The following SFMBT1 variants were observed in gnomAD, a reference collection of about 807,000 sequenced individuals.
The protein encoded by SFMBT1 is scm-like with four MBT domains protein 1.
In SFMBT1, 32 loss-of-function variants were observed where a neutral mutation model predicts 108.7. The observed-to-expected ratio is 0.29, with a 90% CI of 0.22 to 0.40. The LOEUF (loss-of-function observed/expected upper bound fraction) is 0.40. SFMBT1 is among the 10% of genes least tolerant of loss of function. The probability of loss-of-function intolerance (pLI) is 1.00; values close to 1 mark genes in which losing one functional copy is unlikely to be tolerated. For synonymous variants in SFMBT1, 348 were observed against 369.5 expected, an observed-to-expected ratio of 0.94 and a Z score of 0.67; for missense variants, 816 against 1,059.6, an observed-to-expected ratio of 0.77 and a Z score of 3.19.
At chr3:52,922,916 G>A (rs775997522) in intron 10 of SFMBT1, among the ~76,000 whole-genome samples, 1 of 152,176 alleles carries the variant, frequency 6.6e-6, no homozygotes, top group African/African-American at 2.4e-5. Context: ...GGGACTAGAA[G>A]ATACTTCTTA....
intron 3 of SFMBT1, among the ~76,000 whole-genome samples, chr3:52,945,075 AT>A (rs1256162939): frequency 2.0e-5 from 3 of 147,092 alleles, no homozygotes; most frequent in Admixed American, 7.0e-5. Flanking sequence ...AAGTGCTGAG[AT>A]TACAGTCATG....
At chr3:52,970,679 A>C (rs1017785009) in intron 1 of SFMBT1, among the ~76,000 whole-genome samples, 2 of 152,132 alleles carry the variant, frequency 1.3e-5, no homozygotes, top group African/African-American at 4.8e-5. Context: ...TGCAGGATCA[A>C]GCAATTCTAT....
intron 1 of SFMBT1, among the ~76,000 whole-genome samples, chr3:52,998,590 C>A (rs1357688518): frequency 6.7e-6 from 1 of 150,098 alleles, no homozygotes; most frequent in Non-Finnish European, 1.5e-5. Flanking sequence ...CTGTTTCCTA[C>A]CTAGGGGTGA....
chr3:52,999,114 G>A (rs1291980302), intron 1 of SFMBT1, among the ~76,000 whole-genome samples: 3 of 150,856 alleles, frequency 2.0e-5, no homozygotes, highest in Non-Finnish European at 4.5e-5. Flanking sequence ...GCTGATCAAG[G>A]GCCCAGTACA....
intron 1 of SFMBT1, among the ~76,000 whole-genome samples, chr3:53,014,872 C>A (rs2106933842): frequency 6.6e-6 from 1 of 152,270 alleles, no homozygotes; most frequent in East Asian, 1.9e-4. Context: ...AAGCATAAAG[C>A]AACCTCCCTC....
intron 1 of SFMBT1, among the ~76,000 whole-genome samples, chr3:52,985,815 C>T (rs921551659): frequency 6.6e-6 from 1 of 152,044 alleles, no homozygotes; most frequent in Non-Finnish European, 1.5e-5. Context: ...CATATTTAAA[C>T]ATAGGAAAGG....
intron 2 of SFMBT1, among the ~76,000 whole-genome samples, chr3:52,960,111 C>T (rs1703910870): frequency 6.6e-6 from 1 of 151,622 alleles, no homozygotes; most frequent in Non-Finnish European, 1.5e-5. Context: ...TGAATGCTAG[C>T]GTTGACACAG....
At chr3:52,992,470 TTAA>T (rs1705174412) in intron 1 of SFMBT1, among the ~76,000 whole-genome samples, 1 of 152,210 alleles carries the variant, frequency 6.6e-6, no homozygotes, top group South Asian at 2.1e-4. Context: ...AAAAATTTTT[TTAA>T]TAATAAATTA....
intron 3 of SFMBT1, among the ~76,000 whole-genome samples, chr3:52,953,612 T>C (rs1181634663): frequency 6.6e-6 from 1 of 152,170 alleles, no homozygotes; most frequent in Non-Finnish European, 1.5e-5. Flanking sequence ...GACATGTAAA[T>C]ATGCATGTCA....
intron 1 of SFMBT1, among the ~76,000 whole-genome samples, chr3:52,986,476 TA>T (rs1157136440): frequency 1.3e-5 from 2 of 152,034 alleles, no homozygotes; most frequent in South Asian, 2.1e-4. Context: ...TGTACAAAAA[TA>T]TTTTTTTGGT....
At chr3:52,957,900 G>C (rs1282877770) in intron 2 of SFMBT1, among the ~76,000 whole-genome samples, 1 of 152,172 alleles carries the variant, frequency 6.6e-6, no homozygotes, top group African/African-American at 2.4e-5. Context: ...ATAGGCATGA[G>C]CAAAGATTTC....
At chr3:53,019,138 T>G (rs796107699) in intron 1 of SFMBT1, 15 of 152,176 alleles carry the variant, frequency 9.9e-5, no homozygotes, top group African/African-American at 1.9e-4. Context: ...GAAAAAAATT[T>G]TTTTAATTAA....
chr3:52,984,764 GTGTGTC>G (rs1476579256), intron 1 of SFMBT1, among the ~76,000 whole-genome samples: 4 of 135,690 alleles, frequency 2.9e-5, no homozygotes, highest in Non-Finnish European at 6.5e-5. Flanking sequence ...GTGTGTGTGT[GTGTGTC>G]TATTCATACT....
chr3:52,917,378 C>T (rs1023797468), intron 13 of SFMBT1, among the ~76,000 whole-genome samples: 27 of 151,668 alleles, frequency 1.8e-4, no homozygotes, highest in African/African-American at 6.5e-4. Context: ...GATAGCCTTA[C>T]AGGAAGAGAG....
chr3:52,986,196 T>TCATGAATGGAGCTTGCAGGACA, intron 1 of SFMBT1, among the ~76,000 whole-genome samples: 1 of 151,258 alleles, frequency 6.6e-6, no homozygotes, highest in African/African-American at 2.4e-5. Context: ...AGGGCACTTA[T>TCATGAATGGAGCTTGCAGGACA]CATGAATGGA....
Position 52,937,178 on chromosome 3 carries a change from A to G in SFMBT1, c.365-2277T>C, listed in dbSNP as rs150723941. Among the ~76,000 whole-genome samples, 344 of 152,218 alleles carry G rather than the reference A, an allele frequency of 2.3e-3. 1 individual carries two copies. Among genetic ancestry groups the G allele is most frequent in the African/African-American group, 7.3e-3 (303 of 41,540 alleles). ...CTTTATTTGCTTTTGCCTACCATAT[A>G]CAAACAACTATTTCAAAGTAACAAC... is the stretch of plus-strand genomic sequence containing the variant. On this transcript the variant is annotated intron_variant, in intron 4 of 20. Coordinates refer to ENST00000394752, the MANE Select transcript of SFMBT1 (RefSeq NM_016329.4).
chr3:52,948,620 G>A (rs1180380909), intron 3 of SFMBT1, among the ~76,000 whole-genome samples: 1 of 150,222 alleles, frequency 6.7e-6, no homozygotes, highest in Non-Finnish European at 1.5e-5. Context: ...AATTGGAGTT[G>A]CCTTACAATT....
chr3:52,960,330 A>G (rs1479753410), intron 2 of SFMBT1, among the ~76,000 whole-genome samples: 6 of 152,230 alleles, frequency 3.9e-5, no homozygotes, highest in Admixed American at 3.3e-4. Flanking sequence ...GAAGGGAAGT[A>G]CAAAAGAGGC....
At chr3:52,941,064 C>T (rs563578778) in intron 4 of SFMBT1, among the ~76,000 whole-genome samples, 4 of 152,140 alleles carry the variant, frequency 2.6e-5, no homozygotes, top group South Asian at 4.2e-4. Context: ...GAGAGAGACA[C>T]GACAACTAAA....
Sources: gnomAD v4.1 joint callset for allele counts (sites outside exome capture counted in the v4.1 genomes callset) on GRCh38, gnomAD v4.1.1 for gene constraint, MANE v1.5 for transcripts, NCBI Gene and HGNC (gene_info 2026-07-23, HGNC 2026-07-21) for gene names.